ZNF407: variants seen among roughly 807,000 people sequenced by gnomAD.
ZNF407 encodes zinc finger protein 407.
Under a neutral mutation model 131.2 loss-of-function variants are expected in ZNF407, and 17 were observed. The ratio of observed to expected loss-of-function variants is 0.13; its 90% CI spans 0.09 to 0.19. ZNF407 has a LOEUF of 0.19. Ranked by LOEUF, ZNF407 falls within the 10% of genes least tolerant of loss-of-function variation. ZNF407 has a pLI of 1.00. For missense variants in ZNF407, 2,681 were observed against 2,830.6 expected, an observed-to-expected ratio of 0.95 and a Z score of 1.20; for synonymous variants, 1,156 against 1,062.0, an observed-to-expected ratio of 1.09 and a Z score of -1.72.
chr18:74,811,697 A>C (rs1970197502), intron 4 of ZNF407, among the ~76,000 whole-genome samples: 1 of 152,052 alleles, frequency 6.6e-6, no homozygotes, highest in Admixed American at 6.5e-5. Context: ...TGCAGCCATA[A>C]AAAATGATGA....
In ZNF407 at chr18:74,912,341, G is replaced by A. The variant is rs545351775; in HGVS notation, c.5250-8173G>A. Among the ~76,000 whole-genome samples the A allele has an allele frequency of 1.5e-4, 23 of 152,166 alleles. No homozygotes were observed. In the South Asian group the frequency reaches 3.3e-3, roughly 22 times the overall value. ...CTGTCCCGTGAGTGATTTTGTGTTG[G>A]TTCTGGGTGGGCAGTTGTGATCTGG... On this transcript the variant is annotated intron_variant, in intron 7 of 8. Transcript: ENST00000299687.
intron 8 of ZNF407, among the ~76,000 whole-genome samples, chr18:75,018,938 C>T (rs938183538): frequency 1.3e-5 from 2 of 152,026 alleles, no homozygotes; most frequent in African/African-American, 4.8e-5. Flanking sequence ...CCATTATTTT[C>T]TATTACCAGT....
chr18:74,915,565 G>C (rs1971743054), intron 7 of ZNF407, among the ~76,000 whole-genome samples: 1 of 145,752 alleles, frequency 6.9e-6, no homozygotes, highest in African/African-American at 2.6e-5. Context: ...GTGTGTGTGT[G>C]TGCATGCATG....
At chr18:74,636,650 G>A (rs147208343) in intron 2 of ZNF407, among the ~76,000 whole-genome samples, 1 of 152,158 alleles carries the variant, frequency 6.6e-6, no homozygotes, top group Non-Finnish European at 1.5e-5. Flanking sequence ...TTAGTGCATG[G>A]TTACGAGGAA....
intron 8 of ZNF407, among the ~76,000 whole-genome samples, chr18:75,058,514 T>C (rs1346901625): frequency 6.6e-6 from 1 of 152,224 alleles, no homozygotes; most frequent in Non-Finnish European, 1.5e-5. Context: ...GCACACTGTT[T>C]GGTTAACTAC....
At chr18:74,932,840 C>T (rs752091021) in intron 8 of ZNF407, among the ~76,000 whole-genome samples, 7 of 152,146 alleles carry the variant, frequency 4.6e-5, no homozygotes, top group African/African-American at 9.7e-5. Flanking sequence ...AAAAAACCTA[C>T]GACTACCACC....
intron 4 of ZNF407, among the ~76,000 whole-genome samples, chr18:74,835,990 G>A (rs1223641470): frequency 1.7e-4 from 25 of 149,350 alleles, no homozygotes; most frequent in Admixed American, 1.6e-3. Context: ...GGCTCCTTTG[G>A]GATAAGGGAC....
chr18:74,675,592 G>C (rs1221469605), intron 3 of ZNF407, among the ~76,000 whole-genome samples: 1 of 152,176 alleles, frequency 6.6e-6, no homozygotes, highest in Non-Finnish European at 1.5e-5. Context: ...AGGAGAGAAA[G>C]CTTTCTGTCT....
intron 8 of ZNF407, among the ~76,000 whole-genome samples, chr18:75,061,098 A>T (rs966613818): frequency 6.6e-6 from 1 of 152,246 alleles, no homozygotes; most frequent in Non-Finnish European, 1.5e-5. Flanking sequence ...AACACCACCA[A>T]CACGATAAGC....
chr18:74,931,651 C>T (rs576320495), intron 8 of ZNF407, among the ~76,000 whole-genome samples: 16 of 152,116 alleles, frequency 1.1e-4, no homozygotes, highest in African/African-American at 3.6e-4. Flanking sequence ...GTATATTTAA[C>T]TGTCTAAAAA....
chr18:74,987,069 T>C (rs1403509899), intron 8 of ZNF407, among the ~76,000 whole-genome samples: 1 of 152,142 alleles, frequency 6.6e-6, no homozygotes, highest in African/African-American at 2.4e-5. Context: ...ACACCAGACA[T>C]TTTGACTAAA....
chr18:74,923,653 G>A (rs1008584299), intron 8 of ZNF407, among the ~76,000 whole-genome samples: 1 of 152,056 alleles, frequency 6.6e-6, no homozygotes, highest in East Asian at 1.9e-4. Flanking sequence ...TTAAAATTCT[G>A]TTATTTTTGG....
intron 8 of ZNF407, among the ~76,000 whole-genome samples, chr18:75,008,902 T>C (rs1370441595): frequency 1.3e-5 from 2 of 152,252 alleles, no homozygotes; most frequent in Non-Finnish European, 2.9e-5. Context: ...ATACTTTGAA[T>C]CTTTGATTGA....
At chr18:74,841,331 G>T (rs1000905009) in intron 4 of ZNF407, among the ~76,000 whole-genome samples, 3 of 152,070 alleles carry the variant, frequency 2.0e-5, no homozygotes, top group African/African-American at 7.3e-5. Flanking sequence ...CCAGCCTCAG[G>T]GGGGCTGCTA....
chr18:74,926,617 A>G (rs1022392701), intron 8 of ZNF407, among the ~76,000 whole-genome samples: 1 of 152,186 alleles, frequency 6.6e-6, no homozygotes, highest in South Asian at 2.1e-4. Flanking sequence ...AGCCTGGCCA[A>G]TGTAGTGAAA....
intron 4 of ZNF407, among the ~76,000 whole-genome samples, chr18:74,811,259 A>G (rs1185914695): frequency 3.3e-5 from 5 of 152,230 alleles, no homozygotes; most frequent in African/African-American, 1.2e-4. Flanking sequence ...ATGCAGCCAA[A>G]AAACACATGA....
At chr18:74,669,009 G>A (rs1309243717) in intron 3 of ZNF407, among the ~76,000 whole-genome samples, 1 of 151,846 alleles carries the variant, frequency 6.6e-6, no homozygotes, top group Admixed American at 6.6e-5. Context: ...GGGAGCACAC[G>A]TTCCCTCTAC....
intron 1 of ZNF407, among the ~76,000 whole-genome samples, chr18:74,611,031 C>A (rs1057118100): frequency 1.3e-5 from 2 of 152,202 alleles, no homozygotes; most frequent in African/African-American, 4.8e-5. Flanking sequence ...AATATTCCAT[C>A]ACTTTTGATA....
chr18:74,816,334 G>A (rs1045886533), intron 4 of ZNF407, among the ~76,000 whole-genome samples: 5 of 152,110 alleles, frequency 3.3e-5, no homozygotes, highest in Non-Finnish European at 7.4e-5. Flanking sequence ...ATTAACAAGA[G>A]CTTTTATTTG....
Sources: allele counts gnomAD v4.1 joint callset (sites outside exome capture counted in the v4.1 genomes callset), GRCh38; gene constraint gnomAD v4.1.1; transcripts MANE v1.5; gene names NCBI Gene and HGNC (gene_info 2026-07-23, HGNC 2026-07-21).